The following KIAA0586 variants were observed in gnomAD, a reference collection of about 807,000 sequenced individuals.
KIAA0586 encodes the protein KIAA0586, also known as protein TALPID3.
A neutral mutation model predicts 169.8 loss-of-function variants in KIAA0586; 144 were observed. That is an observed-to-expected ratio of 0.85 (90% CI 0.74 to 0.97). The LOEUF is 0.97. KIAA0586 is among the 50% of genes least tolerant of loss of function. The pLI, the probability that KIAA0586 is intolerant of heterozygous loss-of-function variation, is 0.00. For synonymous variants in KIAA0586, 625 were observed against 612.4 expected, an observed-to-expected ratio of 1.02 and a Z score of -0.30; for missense variants, 1,854 against 1,823.0, an observed-to-expected ratio of 1.02 and a Z score of -0.31.
In KIAA0586 at chr14:58,439,058, A is replaced by T. The variant is rs538545356; in HGVS notation, c.411-3648A>T. On this transcript the variant is annotated intron_variant, in intron 4 of 30. Transcript: ENST00000652326. Reference sequence around the variant, plus strand: ...GAGAAGTGAGAAGGGAAATGTGCCAAACTGAGAGAAAAAGCCCTGGTGTCA... The same window carrying T: ...GAGAAGTGAGAAGGGAAATGTGCCATACTGAGAGAAAAAGCCCTGGTGTCA... Among the ~76,000 whole-genome samples, 3 of 152,342 alleles carry T rather than the reference A, an allele frequency of 2.0e-5. No individual in the cohort carries two copies. The South Asian group carries it at 6.2e-4, about 32-fold the overall frequency.
Position 58,548,048 on chromosome 14 carries a change from C to A in KIAA0586, c.*116C>A. 2 of 1,213,460 alleles carry A rather than the reference C, an allele frequency of 1.6e-6. No individual in the cohort carries two copies. The highest frequency in any genetic ancestry group is 1.8e-5 in the South Asian group (1 of 56,000). 75.2% of individuals were successfully genotyped at this position (1,213,460 alleles called of 1,614,324 possible). On this transcript the variant is annotated 3_prime_UTR_variant, in exon 31 of 31. Transcript: ENST00000652326. Reference sequence around the variant, plus strand: ...TTGAGCATATTCTGAAAAAAAAATTCCAATATTTTAAAATAAAACAAAAAG... The same window carrying A: ...TTGAGCATATTCTGAAAAAAAAATTACAATATTTTAAAATAAAACAAAAAG...
intron 21 of KIAA0586, among the ~76,000 whole-genome samples, chr14:58,484,940 T>A (rs1162314744): frequency 6.3e-5 from 2 of 31,702 alleles, no homozygotes; most frequent in Non-Finnish European, 1.4e-4. Context: ...TTTTTTTTTT[T>A]TTTTTTTTTT....
At chr14:58,481,547 T>C (rs1363174919) in intron 20 of KIAA0586, among the ~76,000 whole-genome samples, 1 of 152,184 alleles carries the variant, frequency 6.6e-6, no homozygotes, top group Non-Finnish European at 1.5e-5. Context: ...GAGTTTCCTG[T>C]TGTTATACTC....
At chr14:58,521,469 A>G (rs1205722470) in intron 29 of KIAA0586, 7 of 762,308 alleles carry the variant, frequency 9.2e-6, no homozygotes, top group South Asian at 5.3e-5. Context: ...ATGACTTTCA[A>G]CGGGATTATT....
intron 30 of KIAA0586, among the ~76,000 whole-genome samples, chr14:58,540,933 TGAG>T (rs2140103664): frequency 6.6e-6 from 1 of 152,262 alleles, no homozygotes; most frequent in African/African-American, 2.4e-5. Flanking sequence ...GTTAAGTATG[TGAG>T]GAGAATTGAA....
chr14:58,468,011 A>T, intron 16 of KIAA0586, 89 bp downstream of exon 16: 6 of 739,562 alleles, frequency 8.1e-6, no homozygotes, highest in Non-Finnish European at 1.3e-5. Flanking sequence ...ATTGCTTCAT[A>T]AAAATATTGC....
At chr14:58,440,273 T>C (rs1423721278) in intron 4 of KIAA0586, 2 of 412,004 alleles carry the variant, frequency 4.9e-6, no homozygotes, top group African/African-American at 2.1e-5. Flanking sequence ...CTGCTCTGCT[T>C]TTCTCTTTTC....
the KIAA0586 span, among the ~76,000 whole-genome samples, chr14:58,561,195 T>G: frequency 2.0e-5 from 3 of 152,110 alleles, no homozygotes; most frequent in Non-Finnish European, 4.4e-5. Context: ...AGAGAAAGCG[T>G]GTGTGTGTGT....
downstream of KIAA0586, among the ~76,000 whole-genome samples, chr14:58,553,483 G>A (rs2047229022): frequency 6.6e-6 from 1 of 151,272 alleles, no homozygotes. Flanking sequence ...TAGTTACACA[G>A]CAATTTTACA....
intron 21 of KIAA0586, among the ~76,000 whole-genome samples, chr14:58,483,316 A>C (rs77926067): frequency 0.014 from 2,199 of 152,226 alleles, 51 homozygotes; most frequent in African/African-American, 0.049. Context: ...TTGATTGATA[A>C]TATTTTGGCA....
At chr14:58,507,295 G>C (rs987178153) in intron 27 of KIAA0586, among the ~76,000 whole-genome samples, 1 of 142,230 alleles carries the variant, frequency 7.0e-6, no homozygotes, top group African/African-American at 2.6e-5. Flanking sequence ...TATATATCAT[G>C]TGTATGATTT....
At chr14:58,536,421 A>G (rs773685204) in intron 29 of KIAA0586, among the ~76,000 whole-genome samples, 4 of 152,166 alleles carry the variant, frequency 2.6e-5, no homozygotes, top group Non-Finnish European at 5.9e-5. Flanking sequence ...CTTCTGAGTT[A>G]GTTCACTTAG....
At chr14:58,455,284 G>A (rs1267614156) in intron 9 of KIAA0586, among the ~76,000 whole-genome samples, 1 of 152,132 alleles carries the variant, frequency 6.6e-6, no homozygotes, top group Non-Finnish European at 1.5e-5. Flanking sequence ...AGTAATAGCT[G>A]ATTTATAGTC....
downstream of KIAA0586, among the ~76,000 whole-genome samples, chr14:58,551,804 T>C (rs2047212577): frequency 6.6e-6 from 1 of 152,150 alleles, no homozygotes; most frequent in African/African-American, 2.4e-5. Context: ...AATATACTTA[T>C]CTTTTAAAAG....
chr14:58,476,874 G>T (rs1051570783), intron 19 of KIAA0586, among the ~76,000 whole-genome samples: 1 of 151,978 alleles, frequency 6.6e-6, no homozygotes, highest in African/African-American at 2.4e-5. Flanking sequence ...TGCCAGAATG[G>T]TCTTGAACTC....
Position 58,547,914 on chromosome 14 carries a change from G to C in KIAA0586, c.4629G>C (p.Ser1543=), listed in dbSNP as rs61745066. 4 of 1,613,606 alleles carry C rather than the reference G, an allele frequency of 2.5e-6. No individual in the cohort carries two copies. Among genetic ancestry groups the C allele is most frequent in the South Asian group, 2.2e-5 (2 of 91,040 alleles). ...CAATGCAGGAGGACATGGAGTCTTC[G>C]GGGGCAGATACCTTCTGAACGGGAA... ...LSTMQEDMES[S]GADTF The change falls in exon 31 of 31, where the codon TCG becomes TCC. Residue 1543 remains serine (S), a synonymous_variant. Transcript: ENST00000652326.
chr14:58,519,161 G>A (rs917500039), intron 29 of KIAA0586, among the ~76,000 whole-genome samples: 1 of 152,012 alleles, frequency 6.6e-6, no homozygotes, highest in Non-Finnish European at 1.5e-5. Context: ...AACAAAACAG[G>A]GGAATACATT....
chr14:58,484,902 A>ATTTATATATATATT (rs1269889812), intron 21 of KIAA0586, among the ~76,000 whole-genome samples: 17 of 12,416 alleles, frequency 1.4e-3, no homozygotes, highest in Non-Finnish European at 1.8e-3. Context: ...ATATATATAT[A>ATTTATATATATATT]TATATATATA....
chr14:58,514,370 T>A (rs1441101823), intron 29 of KIAA0586, among the ~76,000 whole-genome samples: 1 of 152,036 alleles, frequency 6.6e-6, no homozygotes, highest in Non-Finnish European at 1.5e-5. Context: ...ATGAAGGAAA[T>A]TCACCTTATC....
Sources: allele counts gnomAD v4.1 joint callset (sites outside exome capture counted in the v4.1 genomes callset), GRCh38; gene constraint gnomAD v4.1.1; transcripts MANE v1.5; gene names NCBI Gene and HGNC (gene_info 2026-07-23, HGNC 2026-07-21).